Variants in DCP1A observed in about 807,000 individuals in gnomAD.
The protein encoded by DCP1A is decapping mRNA 1A.
In DCP1A, 20 loss-of-function variants were observed where a neutral mutation model predicts 58.0. That is an observed-to-expected ratio of 0.34 (90% CI 0.24 to 0.50). DCP1A has a LOEUF of 0.50. Among genes scored for constraint, DCP1A ranks in the 20% least tolerant of loss-of-function variants. The probability of loss-of-function intolerance (pLI) is 0.98; values close to 1 mark genes in which losing one functional copy is unlikely to be tolerated. For missense variants in DCP1A, 613 were observed against 712.2 expected, an observed-to-expected ratio of 0.86 and a Z score of 1.59; for synonymous variants, 285 against 275.1, an observed-to-expected ratio of 1.04 and a Z score of -0.36.
At chr3:53,291,219 G>A (rs189767158) in intron 7 of DCP1A, among the ~76,000 whole-genome samples, 1 of 111,162 alleles carries the variant, frequency 9.0e-6, no homozygotes, top group Admixed American at 8.3e-5. Context: ...GTATATAGGT[G>A]TATGTATTTA....
At chr3:53,318,648 G>A (rs1360349643) in intron 4 of DCP1A, among the ~76,000 whole-genome samples, 1 of 152,192 alleles carries the variant, frequency 6.6e-6, no homozygotes, top group Non-Finnish European at 1.5e-5. Context: ...ACAAGGGCTG[G>A]CTTCTACAGG....
At chr3:53,334,755 T>C (rs1454052243) in intron 3 of DCP1A, among the ~76,000 whole-genome samples, 3 of 152,208 alleles carry the variant, frequency 2.0e-5, no homozygotes, top group East Asian at 1.9e-4. Flanking sequence ...TGTCTGCTTT[T>C]ACCCGTCACG....
chr3:53,330,001 T>A (rs1224929112), intron 3 of DCP1A, among the ~76,000 whole-genome samples: 4 of 152,224 alleles, frequency 2.6e-5, no homozygotes, highest in Admixed American at 2.6e-4. Flanking sequence ...CATATACTCT[T>A]TCCCAACAAT....
intron 6 of DCP1A, among the ~76,000 whole-genome samples, chr3:53,295,550 TTTTC>T (rs1553686677): frequency 6.6e-6 from 1 of 152,180 alleles, no homozygotes; most frequent in Non-Finnish European, 1.5e-5. Flanking sequence ...TCATCTTTCT[TTTTC>T]TTTCTCTTTT....
In DCP1A at chr3:53,292,611, G is replaced by T; in HGVS notation, c.841C>A (p.His281Asn). 6.2e-7 allele frequency: 1 copy of T among 1,613,816 alleles called. No individual in the cohort carries two copies. Among genetic ancestry groups the T allele is most frequent in the South Asian group, 1.1e-5 (1 of 91,064 alleles). ...GTGATTTCAGGCTGGACTGAATGGT[G>T]GGCAGCAGAAGGGACACCCAGGGTT... ...SETLGVPSAA[H>N]HSVQPEITTP... The change falls in exon 7 of 10, where the codon CAC (histidine) becomes AAC (asparagine). Residue 281 changes from histidine to asparagine, a missense_variant. Physicochemically the swap from His to Asn is moderately conservative, Grantham distance 68 (BLOSUM62 1). Transcript: ENST00000610213.
At chr3:53,338,186 C>T (rs1553692159) in intron 3 of DCP1A, 1 of 439,624 alleles carries the variant, frequency 2.3e-6, no homozygotes, top group African/African-American at 2.0e-5. Context: ...AGAAATACCA[C>T]TGCTACTCAA....
chr3:53,342,259 A>T lies in DCP1A; in HGVS notation c.189T>A (p.Pro63=). 6.3e-7 allele frequency: 1 copy of T among 1,599,762 alleles called. No homozygotes were observed. The highest frequency in any genetic ancestry group is 8.5e-7 in the Non-Finnish European group (1 of 1,171,110). The change falls in exon 3 of 10, where the codon CCT becomes CCA. Residue 63 remains proline (P), a synonymous_variant. Transcript: ENST00000610213. ...GATTCACAATGGTAAAACCATGGTA[A>T]GGGGAAGCTGACCTTAGATTTAATA... is the stretch of plus-strand genomic sequence containing the variant. ...TLFVYRRSAS[P]YHGFTIVNRL...
At chr3:53,346,208 A>G (rs2089289862) in intron 1 of DCP1A, among the ~76,000 whole-genome samples, 1 of 152,256 alleles carries the variant, frequency 6.6e-6, no homozygotes, top group Non-Finnish European at 1.5e-5. Flanking sequence ...TAAAATAGCT[A>G]CATTTAAAAA....
chr3:53,335,767 T>G (rs985299356), intron 3 of DCP1A, among the ~76,000 whole-genome samples: 1 of 152,232 alleles, frequency 6.6e-6, no homozygotes, highest in African/African-American at 2.4e-5. Context: ...TTTTAATTTC[T>G]ATTAGTTCTA....
intron 6 of DCP1A, among the ~76,000 whole-genome samples, chr3:53,302,589 G>A (rs1289108215): frequency 6.6e-6 from 1 of 152,206 alleles, no homozygotes; most frequent in African/African-American, 2.4e-5. Context: ...TACAGTAAGA[G>A]GATGGAGGTG....
intron 1 of DCP1A, 147 bp downstream of exon 1, chr3:53,347,236 G>T: frequency 1.0e-6 from 1 of 979,118 alleles, no homozygotes; most frequent in Non-Finnish European, 1.4e-6. Context: ...CACCCCTCAG[G>T]CTCTGGCTAG....
intron 3 of DCP1A, among the ~76,000 whole-genome samples, chr3:53,320,529 C>A (rs1553689791): frequency 1.3e-5 from 2 of 152,098 alleles, no homozygotes; most frequent in African/African-American, 2.4e-5. Flanking sequence ...ACAGAAATGG[C>A]AGGTATCATT....
chr3:53,291,367 A>T (rs1298559646), intron 7 of DCP1A, among the ~76,000 whole-genome samples: 1 of 151,994 alleles, frequency 6.6e-6, no homozygotes, highest in Admixed American at 6.6e-5. Flanking sequence ...TAAAATATAT[A>T]CTTAAATTAT....
intron 3 of DCP1A, among the ~76,000 whole-genome samples, chr3:53,327,616 C>G (rs1162646090): frequency 1.3e-5 from 2 of 149,176 alleles, no homozygotes; most frequent in Non-Finnish European, 3.0e-5. Context: ...ATAGTAAAAC[C>G]CCATCTCTAC....
At position 53,292,480 on chromosome 3, in the gene DCP1A, A is replaced by G; in HGVS notation, c.972T>C (p.Ala324=). 1 of 1,613,984 alleles carries G rather than the reference A, an allele frequency of 6.2e-7. No individual in the cohort carries two copies. The highest frequency in any genetic ancestry group is 1.1e-5 in the South Asian group (1 of 91,090). The change falls in exon 7 of 10, where the codon GCT becomes GCC. Residue 324 remains alanine, a synonymous_variant. Coordinates refer to ENST00000610213, the MANE Select transcript of DCP1A (RefSeq NM_018403.7). The stretch of plus-strand genomic sequence containing the variant: ...GGGGAACCTGTGCAGTAGGAGCTTC[A>G]GCTGGCAGAGTGGGACTGAGAACAG... ...LSPVLSPTLP[A]EAPTAQVPPS...
At chr3:53,304,314 A>T (rs782021300) in intron 5 of DCP1A, 24 bp from the exon 6 acceptor site, 10 of 1,563,548 alleles carry the variant, frequency 6.4e-6, no homozygotes, top group Non-Finnish European at 8.8e-6. Context: ...AAAGAAAAAA[A>T]TATATCTTGT....
intron 6 of DCP1A, among the ~76,000 whole-genome samples, chr3:53,302,010 T>C (rs1410626878): frequency 1.3e-5 from 2 of 152,178 alleles, no homozygotes; most frequent in African/African-American, 2.4e-5. Context: ...GAAGTCAGTG[T>C]GTTTATGAAA....
intron 3 of DCP1A, among the ~76,000 whole-genome samples, chr3:53,335,119 A>G (rs1206409131): frequency 8.7e-5 from 13 of 149,434 alleles, no homozygotes; most frequent in African/African-American, 9.9e-5. Context: ...GCGCATGTGT[A>G]TATATATATA....
At chr3:53,321,374 A>G (rs1339515550) in intron 3 of DCP1A, among the ~76,000 whole-genome samples, 1 of 152,218 alleles carries the variant, frequency 6.6e-6, no homozygotes, top group Non-Finnish European at 1.5e-5. Context: ...CGGAGAGACT[A>G]AGTAACTTAT....
Sources: gnomAD v4.1 joint callset for allele counts (sites outside exome capture counted in the v4.1 genomes callset) on GRCh38, gnomAD v4.1.1 for gene constraint, MANE v1.5 for transcripts, NCBI Gene and HGNC (gene_info 2026-07-23, HGNC 2026-07-21) for gene names.